Variants in CHD4 observed in about 807,000 individuals in gnomAD.
The protein encoded by CHD4 is chromodomain helicase DNA binding protein 4.
Under a neutral mutation model 235.5 loss-of-function variants are expected in CHD4, and 35 were observed. The observed-to-expected ratio is 0.15, with a 90% confidence interval of 0.11 to 0.20. The LOEUF (loss-of-function observed/expected upper bound fraction) is 0.20. CHD4 is among the 10% of genes least tolerant of loss of function. The probability of loss-of-function intolerance (pLI) is 1.00; values close to 1 mark genes in which losing one functional copy is unlikely to be tolerated. For synonymous variants in CHD4, 900 were observed against 850.2 expected (o/e 1.06, Z -1.02); for missense variants, 1,329 against 2,432.3 (o/e 0.55, Z 9.54).
At chr12:6,576,257 T>C (rs1948069382) in intron 37 of CHD4, among the ~76,000 whole-genome samples, 1 of 152,164 alleles carries the variant, frequency 6.6e-6, no homozygotes, top group Admixed American at 6.6e-5. Flanking sequence ...CTCGGGAGGC[T>C]GAGGCAGGAA....
At chr12:6,583,635 G>T in intron 25 of CHD4, 1 of 429,126 alleles carries the variant, frequency 2.3e-6, no homozygotes, top group Admixed American at 3.9e-5. Flanking sequence ...AGGATGAAGA[G>T]ACAGAATGCT....
At chr12:6,598,462 A>G in intron 10 of CHD4, 37 bp from the exon 11 acceptor site, 2 of 1,512,270 alleles carry the variant, frequency 1.3e-6, no homozygotes, top group Non-Finnish European at 1.8e-6. Flanking sequence ...TCAAATCATA[A>G]CCATGGGAGG....
At chr12:6,600,095 T>C in intron 9 of CHD4, 83 bp from the exon 10 acceptor site, 2 of 1,522,036 alleles carry the variant, frequency 1.3e-6, no homozygotes, top group East Asian at 2.4e-5. Flanking sequence ...TTCCTTTGAA[T>C]GCTTCCCAAA....
At chr12:6,604,412 G>A (rs776409413) in intron 2 of CHD4, among the ~76,000 whole-genome samples, 75 of 152,250 alleles carry the variant, frequency 4.9e-4, no homozygotes, top group Middle Eastern at 3.4e-3. Flanking sequence ...ACATTAGGCT[G>A]GACAAAGCAC....
At chr12:6,591,850 G>GT (rs1565611508) in intron 20 of CHD4, 25 bp from the exon 21 acceptor site, 3 of 1,613,776 alleles carry the variant, frequency 1.9e-6, no homozygotes. Context: ...AAAGAAAAAA[G>GT]TATTAAAAGA....
Position 6,593,032 on chromosome 12 carries a change from T to C in CHD4, c.2652+59A>G, listed in dbSNP as rs878905746. The C allele has an allele frequency of 1.2e-4, 184 of 1,596,832 alleles. No individual in the cohort carries two copies. The East Asian group carries it at 2.4e-3, about 21-fold the overall frequency. ...ATCTACAAGTTTTCCCCTTAATGAATTGGTAGTACTAGAAAAAACCCAAAG... is the reference window on the plus strand; with the variant it reads ...ATCTACAAGTTTTCCCCTTAATGAACTGGTAGTACTAGAAAAAACCCAAAG... On this transcript the variant is annotated intron_variant, in intron 17 of 39. Coordinates refer to ENST00000544040, the MANE Select transcript of CHD4 (RefSeq NM_001273.5). The surrounding 1 kb of genome is among the most constrained non-coding windows in gnomAD (Gnocchi z 4.9).
At position 6,598,234 on chromosome 12, in the gene CHD4, A is replaced by C; in HGVS notation, c.1674T>G (p.Val558=). ...ATCCTAAACTTACCTGCAGTTCAGA[A>C]ACCCAGGAGCAGTGCCAGTAAGACA... is the stretch of plus-strand genomic sequence containing the variant. The part of the protein sequence containing the change: ...QGMSYWHCSW[V]SELQLELHCQ... The change falls in exon 11 of 40, where the codon GTT becomes GTG. Residue 558 remains valine, a synonymous_variant. Coordinates refer to ENST00000544040, the MANE Select transcript of CHD4 (RefSeq NM_001273.5). 6.2e-7 allele frequency: 1 copy of C among 1,612,728 alleles called. No individual in the cohort carries two copies. Among genetic ancestry groups the C allele is most frequent in the South Asian group, 1.1e-5 (1 of 91,000 alleles).
chr12:6,579,094 C>A (rs779888564), intron 33 of CHD4, 177 bp from the exon 34 acceptor site: 21 of 565,330 alleles, frequency 3.7e-5, no homozygotes, highest in African/African-American at 3.4e-4. Context: ...GCAGGCAGAT[C>A]ACTTGAGGTC....
chr12:6,595,217 TA>T, intron 14 of CHD4, 116 bp downstream of exon 14: 1 of 825,202 alleles, frequency 1.2e-6, no homozygotes, highest in East Asian at 2.7e-5. Context: ...CTTTGTGAAG[TA>T]ATCTCAGCTA....
intron 37 of CHD4, among the ~76,000 whole-genome samples, chr12:6,575,585 A>G (rs1239185898): frequency 6.6e-6 from 1 of 151,524 alleles, no homozygotes; most frequent in East Asian, 1.9e-4. Flanking sequence ...TACCCTTTTC[A>G]TTTTCCACAA....
chr12:6,601,243 T>G (rs1273498990), intron 6 of CHD4, 46 bp downstream of exon 6: 17 of 1,600,498 alleles, frequency 1.1e-5, no homozygotes, highest in Non-Finnish European at 1.4e-5. Context: ...TTTGACATCT[T>G]AAGCCCACAC....
intron 13 of CHD4, among the ~76,000 whole-genome samples, 157 bp downstream of exon 13, chr12:6,595,849 T>G (rs1948483596): frequency 6.8e-6 from 1 of 147,164 alleles, no homozygotes; most frequent in African/African-American, 2.5e-5. Context: ...TCCCAGCTAC[T>G]CAGGAGGCTA....
At chr12:6,582,371 A>G (rs779699534) in intron 29 of CHD4, 90 bp from the exon 30 acceptor site, 15 of 1,446,286 alleles carry the variant, frequency 1.0e-5, no homozygotes, top group Middle Eastern at 2.0e-4. Flanking sequence ...ATCACAGGCA[A>G]TAACTATGGC....
intron 37 of CHD4, among the ~76,000 whole-genome samples, chr12:6,577,462 T>C (rs1324016211): frequency 6.8e-6 from 1 of 147,116 alleles, no homozygotes; most frequent in African/African-American, 2.5e-5. Flanking sequence ...CACTGACTAA[T>C]AGCTCTACAT....
In CHD4 at chr12:6,593,484, T is replaced by C; in HGVS notation, c.2446A>G (p.Ile816Val). The C allele has an allele frequency of 6.2e-7, 1 of 1,614,210 alleles. No individual in the cohort carries two copies. The highest frequency in any genetic ancestry group is 1.7e-5 in the Admixed American group (1 of 60,024). The part of the protein sequence containing the change: ...YVGDKDSRAI[I>V]RENEFSFEDN... ...TCAAAGGAGAACTCATTCTCTCGGA[T>C]GATGGCACGGCTGTCCTTGTCACCC... Residue 816 changes from isoleucine to valine, a missense_variant, in exon 16 of 40, where the codon ATC (isoleucine) becomes GTC (valine). This residue lies in a region of CHD4 where 78 missense variants were observed against 174.8 expected (regional missense o/e 0.45). Transcript: ENST00000544040. The surrounding 1 kb of genome is among the most constrained non-coding windows in gnomAD (Gnocchi z 4.9).
At chr12:6,579,019 AT>A in intron 33 of CHD4, 102 bp from the exon 34 acceptor site, 1 of 1,098,040 alleles carries the variant, frequency 9.1e-7, no homozygotes, top group Non-Finnish European at 1.4e-6. Flanking sequence ...AATGTCTGCA[AT>A]TACAGTAATG....
At position 6,593,506 on chromosome 12, in the gene CHD4, A is replaced by G; in HGVS notation, c.2424T>C (p.Gly808=). The G allele has an allele frequency of 6.2e-7, 1 of 1,613,992 alleles. No homozygotes were observed. The highest frequency in any genetic ancestry group is 8.5e-7 in the Non-Finnish European group (1 of 1,180,004). The change falls in exon 16 of 40, where the codon GGT becomes GGC. Residue 808 remains glycine (G), a synonymous_variant. Transcript: ENST00000544040. The surrounding 1 kb of genome is among the most constrained non-coding windows in gnomAD (Gnocchi z 4.9). ...GGATGATGGCACGGCTGTCCTTGTC[A>G]CCCACATAGGTTACGACATACATGT... The part of the protein sequence containing the change: ...APDMYVVTYV[G]DKDSRAIIRE...
intron 34 of CHD4, 48 bp downstream of exon 34, chr12:6,578,798 T>A (rs1352671561): frequency 6.3e-7 from 1 of 1,576,476 alleles, no homozygotes; most frequent in Non-Finnish European, 8.7e-7. Flanking sequence ...TCCTTGCTTC[T>A]GGTTTTAGAG....
rs749512768 is a variant in CHD4 at position 6,581,379 on chromosome 12, A to C, written c.4691T>G (p.Ile1564Arg). Residue 1564 changes from isoleucine to arginine, a missense_variant, in exon 32 of 40, where the codon ATA becomes AGA. Transcript: ENST00000544040. ...PAPVPPAEDG[I>R]KIEENSLKEE... is the part of the protein sequence containing the mutation. ...TTTGAGGCTATTTTCCTCTATTTTT[A>C]TCCCATCTTCTGCAGAACAATAAAA... The C allele has an allele frequency of 1.5e-5, 24 of 1,613,532 alleles. No homozygotes were observed. Among genetic ancestry groups the C allele is most frequent in the Non-Finnish European group, 1.9e-5 (23 of 1,179,766 alleles).
Sources: allele counts gnomAD v4.1 joint callset (sites outside exome capture counted in the v4.1 genomes callset), GRCh38; gene constraint gnomAD v4.1.1; regional missense constraint gnomAD v4.1.1; non-coding constraint Gnocchi (gnomAD v3.1); transcripts MANE v1.5; gene names NCBI Gene and HGNC (gene_info 2026-07-23, HGNC 2026-07-21).